MYBPC1: variants seen among roughly 807,000 people sequenced by gnomAD.
MYBPC1 encodes the protein myosin-binding protein C, slow-type.
In MYBPC1, 52 loss-of-function variants were observed where a neutral mutation model predicts 147.1. The ratio of observed to expected loss-of-function variants is 0.35; its 90% CI spans 0.28 to 0.45. The LOEUF (loss-of-function observed/expected upper bound fraction) is 0.45. Ranked by LOEUF, MYBPC1 falls within the 20% of genes least tolerant of loss-of-function variation. The pLI is 1.00. For missense variants in MYBPC1, 1,228 were observed against 1,440.3 expected, an observed-to-expected ratio of 0.85 and a Z score of 2.39; for synonymous variants, 477 against 475.9, an observed-to-expected ratio of 1.00 and a Z score of -0.03.
chr12:101,644,835 T>C (rs1565947178), intron 12 of MYBPC1, 39 bp downstream of exon 12: 7 of 1,592,202 alleles, frequency 4.4e-6, no homozygotes, highest in Admixed American at 1.7e-5. Flanking sequence ...AGCTCTACAG[T>C]AAATTAATCA....
intron 22 of MYBPC1, chr12:101,666,314 A>G (rs1297625466): frequency 4.8e-6 from 1 of 208,974 alleles, no homozygotes; most frequent in Non-Finnish European, 9.8e-6. Flanking sequence ...TGGGGACCCA[A>G]GAGAATCCTC....
intron 31 of MYBPC1, 132 bp from the exon 32 acceptor site, chr12:101,685,450 A>G (rs1951296726): frequency 3.0e-6 from 2 of 677,506 alleles, no homozygotes; most frequent in Admixed American, 5.0e-5. Flanking sequence ...CCAAGTAGAG[A>G]CTGAATGAAT....
rs907942373 is a variant in MYBPC1, at chr12:101,652,537, T to G, written c.1527-141T>G. On this transcript the variant is annotated intron_variant, in intron 16 of 31. Coordinates refer to ENST00000361466, the MANE Select transcript of MYBPC1 (RefSeq NM_002465.4). ...TAAGGCTTCTCATCCTCTCTCTCTC[T>G]CTCTCTCTTTCTCTCTCTCTCTCCC... is the stretch of plus-strand genomic sequence containing the variant. 1.3e-5 allele frequency: 9 copies of G among 667,202 alleles called. No homozygotes were observed. In the African/African-American group the frequency reaches 1.6e-4, roughly 12 times the overall value. 41.3% of individuals were successfully genotyped at this position (667,202 alleles called of 1,614,324 possible).
At chr12:101,675,611 T>C (rs1899784849) in intron 26 of MYBPC1, among the ~76,000 whole-genome samples, 180 bp downstream of exon 26, 1 of 152,248 alleles carries the variant, frequency 6.6e-6, no homozygotes, top group Admixed American at 6.5e-5. Flanking sequence ...CCAGCATTGC[T>C]ACTTAAGACC....
chr12:101,685,688 G>A lies in MYBPC1; in HGVS notation c.*126G>A, dbSNP rs1011237517. 2.7e-6 allele frequency: 4 copies of A among 1,500,184 alleles called. No individual in the cohort carries two copies. Among genetic ancestry groups the A allele is most frequent in the Non-Finnish European group, 3.6e-6 (4 of 1,114,946 alleles). 92.9% of individuals were successfully genotyped at this position (1,500,184 alleles called of 1,614,324 possible). On this transcript the variant is annotated 3_prime_UTR_variant, in exon 32 of 32. Transcript: ENST00000361466. ...GCAATCCTGAGGAATACTGAGGGAGGGCCTGGCTACTGTCTCTCTGCACTC... is the reference window on the plus strand; with the variant it reads ...GCAATCCTGAGGAATACTGAGGGAGAGCCTGGCTACTGTCTCTCTGCACTC...
Position 101,680,424 on chromosome 12 carries a change from A to G in MYBPC1, c.3328A>G (p.Thr1110Ala). 6.2e-7 allele frequency: 1 copy of G among 1,614,066 alleles called. No homozygotes were observed. The change falls in exon 29 of 32, where the codon ACC becomes GCC. Residue 1110 changes from threonine to alanine, a missense_variant. Physicochemically the swap from Thr to Ala is moderately conservative, Grantham distance 58. Transcript: ENST00000361466. ...YRMFSNQGVCTLEIRKPSPYD... is the reference protein window; with the variant it reads ...YRMFSNQGVCALEIRKPSPYD... ...GATGTTCAGCAACCAGGGAGTCTGT[A>G]CCCTGGAAATTCGCAAGCCCAGCCC...
At chr12:101,647,544 G>T (rs1186731576) in intron 13 of MYBPC1, among the ~76,000 whole-genome samples, 1 of 152,148 alleles carries the variant, frequency 6.6e-6, no homozygotes, top group African/African-American at 2.4e-5. Context: ...ACCCAGGGTT[G>T]CCTGCTATTT....
intron 1 of MYBPC1, among the ~76,000 whole-genome samples, chr12:101,613,471 A>T (rs953160045): frequency 6.6e-5 from 10 of 152,218 alleles, no homozygotes; most frequent in African/African-American, 2.4e-4. Context: ...AGTAGAAGAT[A>T]ATTTTAGAAG....
chr12:101,629,594 C>A, intron 6 of MYBPC1, 50 bp downstream of exon 6: 1 of 1,334,056 alleles, frequency 7.5e-7, no homozygotes, highest in Non-Finnish European at 1.1e-6. Context: ...TAAGGTGAGC[C>A]GAGCACGGTG....
chr12:101,686,712 T>C (rs536041440), downstream of MYBPC1, among the ~76,000 whole-genome samples: 63 of 152,336 alleles, frequency 4.1e-4, no homozygotes, highest in African/African-American at 1.4e-3. Context: ...GGCCCATGGC[T>C]TCTTTGGATG....
At chr12:101,601,774 T>C (rs1187206971) in intron 1 of MYBPC1, among the ~76,000 whole-genome samples, 2 of 152,216 alleles carry the variant, frequency 1.3e-5, no homozygotes, top group Non-Finnish European at 2.9e-5. Context: ...GTATTCTTCT[T>C]CTCTAAAATT....
At chr12:101,694,959 A>C in the MYBPC1 span, among the ~76,000 whole-genome samples, 1 of 152,252 alleles carries the variant, frequency 6.6e-6, no homozygotes, top group Non-Finnish European at 1.5e-5. Flanking sequence ...CAAAGGTGTC[A>C]TGAGTATTCT....
intron 12 of MYBPC1, among the ~76,000 whole-genome samples, chr12:101,645,268 A>G (rs1342347894): frequency 1.3e-5 from 2 of 152,236 alleles, no homozygotes; most frequent in Non-Finnish European, 2.9e-5. Flanking sequence ...AATATTGCAT[A>G]TAAAAGGAAC....
intron 15 of MYBPC1, among the ~76,000 whole-genome samples, chr12:101,650,538 A>G (rs1894223136): frequency 6.6e-6 from 1 of 152,168 alleles, no homozygotes; most frequent in Non-Finnish European, 1.5e-5. Context: ...TCTCATGAGA[A>G]CTCAGTCACT....
chr12:101,690,407 T>TG (rs1253643439), downstream of MYBPC1, among the ~76,000 whole-genome samples: 2 of 152,190 alleles, frequency 1.3e-5, no homozygotes, highest in Admixed American at 1.3e-4. Flanking sequence ...TTGCTGATAA[T>TG]GACCTAGCCT....
chr12:101,669,851 C>G (rs562905587), intron 23 of MYBPC1: 10 of 260,078 alleles, frequency 3.8e-5, no homozygotes, highest in Non-Finnish European at 5.8e-5. Flanking sequence ...ACATGAGAAT[C>G]GCTTGAACCC....
Position 101,673,414 on chromosome 12 carries a change from T to A in MYBPC1, c.2614-13T>A. Reference sequence around the variant, plus strand: ...TGATTTACCCTCTCTACTTTTGCTGTCTTTCTTTTTAGGGAAAACCAAGAC... The same window carrying A: ...TGATTTACCCTCTCTACTTTTGCTGACTTTCTTTTTAGGGAAAACCAAGAC... On this transcript the variant is annotated splice_polypyrimidine_tract_variant and intron_variant, in intron 24 of 31. Transcript: ENST00000361466. The A allele has an allele frequency of 6.2e-7, 1 of 1,611,394 alleles. No homozygotes were observed. The highest frequency in any genetic ancestry group is 8.5e-7 in the Non-Finnish European group (1 of 1,179,208).
chr12:101,684,463 C>T (rs1030293933), intron 31 of MYBPC1, 39 bp downstream of exon 31: 23 of 1,465,136 alleles, frequency 1.6e-5, no homozygotes, highest in Non-Finnish European at 1.9e-5. Flanking sequence ...AAGCTTATGA[C>T]TGTCATAAGC....
intron 29 of MYBPC1, among the ~76,000 whole-genome samples, chr12:101,682,343 T>G (rs1211214312): frequency 6.6e-6 from 1 of 152,232 alleles, no homozygotes; most frequent in Non-Finnish European, 1.5e-5. Context: ...CATGATATAT[T>G]CTTTTTAGTG....
Sources: allele counts gnomAD v4.1 joint callset (sites outside exome capture counted in the v4.1 genomes callset), GRCh38; gene constraint gnomAD v4.1.1; transcripts MANE v1.5; gene names NCBI Gene and HGNC (gene_info 2026-07-23, HGNC 2026-07-21).